ABCC2: variants seen among roughly 807,000 people sequenced by gnomAD.
The protein encoded by ABCC2 is ATP binding cassette subfamily C member 2.
In ABCC2, 157 loss-of-function variants were observed where a neutral mutation model predicts 173.4. That is an observed-to-expected ratio of 0.91 (90% confidence interval 0.80 to 1.03). ABCC2 has a LOEUF of 1.03. Ranked by LOEUF, ABCC2 falls within the 50% of genes least tolerant of loss-of-function variation. The pLI is 0.00. For missense variants in ABCC2, 1,822 were observed against 1,852.3 expected (o/e 0.98, Z 0.30); for synonymous variants, 657 against 693.5 (o/e 0.95, Z 0.83).
At chr10:99,807,664 A>C in intron 12 of ABCC2, 143 bp downstream of exon 12, 2 of 1,216,338 alleles carry the variant, frequency 1.6e-6, no homozygotes, top group East Asian at 2.5e-5. Context: ...TCACCGCCCC[A>C]TGCCACTTTT....
chr10:99,835,963 C>T, intron 24 of ABCC2, 128 bp from the exon 25 acceptor site: 1 of 921,188 alleles, frequency 1.1e-6, no homozygotes, highest in Non-Finnish European at 1.7e-6. Context: ...GCACTGCAGG[C>T]TTTTGTCTTG....
At chr10:99,825,614 G>A (rs983427815) in intron 19 of ABCC2, among the ~76,000 whole-genome samples, 16 of 152,232 alleles carry the variant, frequency 1.1e-4, no homozygotes, top group Admixed American at 7.8e-4. Context: ...CCAAGGAATT[G>A]AAGAGCTAAT....
At chr10:99,839,124 T>C in intron 25 of ABCC2, among the ~76,000 whole-genome samples, 1 of 116,290 alleles carries the variant, frequency 8.6e-6, no homozygotes, top group Non-Finnish European at 1.8e-5. Context: ...ACGGGGCGGC[T>C]GGCCGGGCGG....
In ABCC2 at chr10:99,799,211, A is replaced by T; in HGVS notation, c.872A>T (p.Asp291Val). 1 of 1,614,036 alleles carries T rather than the reference A, an allele frequency of 6.2e-7. No individual in the cohort carries two copies. Among genetic ancestry groups the T allele is most frequent in the Non-Finnish European group, 8.5e-7 (1 of 1,179,998 alleles). The stretch of plus-strand genomic sequence containing the variant: ...GTTGTTTGGTTTTGTACCTAGGAAG[A>T]TGTTGAAAAGAAAAAAAAGAAGTCT... The part of the protein sequence containing the change: ...SQSQDALVLE[D>V]VEKKKKKSGT... The change falls in exon 8 of 32, where the codon GAT becomes GTT. Residue 291 changes from aspartate (D) to valine (V), a missense_variant. By Grantham distance (152) the Asp-to-Val change is radical (BLOSUM62 -3). Transcript: ENST00000647814.
chr10:99,799,472 T>C (rs1267101963), intron 8 of ABCC2, 102 bp downstream of exon 8: 10 of 1,373,668 alleles, frequency 7.3e-6, no homozygotes, highest in Non-Finnish European at 1.0e-5. Context: ...TTCCCATTTT[T>C]TAAAAATGCT....
Position 99,851,830 on chromosome 10 carries a change from C to A in ABCC2, c.*199C>A. 2.0e-6 allele frequency: 1 copy of A among 494,890 alleles called. No individual in the cohort carries two copies. The highest frequency in any genetic ancestry group is 3.5e-6 in the Non-Finnish European group (1 of 289,728). The allele number at this position is 494,890 out of a possible 1,614,324, so 30.7% of individuals were successfully genotyped here. ...CTTGAGAAACCCCTCGATTGTCTACCTCGATCGTACTTCCTTGCTACCCAC... is the reference window on the plus strand; with the variant it reads ...CTTGAGAAACCCCTCGATTGTCTACATCGATCGTACTTCCTTGCTACCCAC... On this transcript the variant is annotated 3_prime_UTR_variant, in exon 32 of 32. Coordinates refer to ENST00000647814, the MANE Select transcript of ABCC2 (RefSeq NM_000392.5).
Position 99,808,163 on chromosome 10 carries a change from T to G in ABCC2, c.1749T>G (p.Ile583Met). Residue 583 changes from isoleucine (I) to methionine (M), a missense_variant, in exon 13 of 32, where the codon ATT (isoleucine) becomes ATG (methionine). Coordinates refer to ENST00000647814, the MANE Select transcript of ABCC2 (RefSeq NM_000392.5). ...ATGCACAAAAGGCCTTCACCTCCAT[T>G]ACCCTCTTCAATATCCTGCGCTTTC... ...ILDAQKAFTS[I>M]TLFNILRFPL... The G allele has an allele frequency of 6.2e-7, 1 of 1,614,122 alleles. No homozygotes were observed. The highest frequency in any genetic ancestry group is 1.3e-5 in the African/African-American group (1 of 75,038).
At chr10:99,814,344 T>C (rs1238436632) in intron 16 of ABCC2, among the ~76,000 whole-genome samples, 2 of 138,208 alleles carry the variant, frequency 1.4e-5, no homozygotes, top group African/African-American at 2.7e-5. Context: ...CATGTATATA[T>C]ACACACGTAT....
chr10:99,814,428 T>C lies in ABCC2; in HGVS notation c.2094+1284T>C, dbSNP rs1280951691. On this transcript the variant is annotated intron_variant, in intron 16 of 31. Transcript: ENST00000647814. Reference sequence around the variant, plus strand: ...ACACACGTGTATATATGTGTGCATATATGTGTATACACACATATGTGTGTA... The same window carrying C: ...ACACACGTGTATATATGTGTGCATACATGTGTATACACACATATGTGTGTA... 2.2e-5 allele frequency among the ~76,000 whole-genome samples: 3 copies of C among 136,546 alleles called. 1 individual carries two copies. Among genetic ancestry groups the C allele is most frequent in the Non-Finnish European group, 4.8e-5 (3 of 62,444 alleles). The allele number at this position is 136,546 out of a possible 152,430, so 89.6% of individuals were successfully genotyped here.
intron 11 of ABCC2, among the ~76,000 whole-genome samples, chr10:99,806,077 C>CTCTGTGTGTG (rs10644836): frequency 0.043 from 6,407 of 148,030 alleles, 154 homozygotes; most frequent in Middle Eastern, 0.056. Context: ...CTCTCTCTGT[C>CTCTGTGTGTG]TGTGTGTGTG....
intron 5 of ABCC2, 96 bp downstream of exon 5, chr10:99,794,095 C>A: frequency 8.3e-7 from 1 of 1,208,438 alleles, no homozygotes; most frequent in Non-Finnish European, 1.2e-6. Context: ...GGAGGCGCCA[C>A]AAGCCCAGAA....
rs559908064 is a variant in ABCC2 at position 99,792,332 on chromosome 10, C to A, written c.306C>A (p.Thr102=). The change falls in exon 3 of 32, where the codon ACC becomes ACA. Residue 102 remains threonine, a synonymous_variant. Coordinates refer to ENST00000647814, the MANE Select transcript of ABCC2 (RefSeq NM_000392.5). ...CCACAGTCCCTGCTGTTCGATATAC[C>A]AATCCAAGCCTCTACCTAGGCACAT... ...GQATVPAVRY[T]NPSLYLGTWL... is the part of the protein sequence containing the mutation. 2.5e-5 allele frequency: 40 copies of A among 1,614,096 alleles called. No individual in the cohort carries two copies. In the Admixed American group the frequency reaches 5.7e-4, roughly 23 times the overall value.
intron 17 of ABCC2, among the ~76,000 whole-genome samples, chr10:99,818,102 A>G (rs1263673734): frequency 6.6e-6 from 1 of 152,106 alleles, no homozygotes; most frequent in Non-Finnish European, 1.5e-5. Context: ...AGGCGCCTGT[A>G]GTCCCAGCTA....
At chr10:99,808,439 T>C (rs1400070663) in intron 13 of ABCC2, among the ~76,000 whole-genome samples, 1 of 152,198 alleles carries the variant, frequency 6.6e-6, no homozygotes, top group Admixed American at 6.5e-5. Context: ...AGGATAATCA[T>C]ACCAATCTCA....
At position 99,816,275 on chromosome 10, in the gene ABCC2, G is replaced by GT. The variant is rs1368928189; in HGVS notation, c.2095-1027dup. On this transcript the variant is annotated intron_variant, in intron 16 of 31. Coordinates refer to ENST00000647814, the MANE Select transcript of ABCC2 (RefSeq NM_000392.5). Reference sequence around the variant, plus strand: ...GCCACCGCGCCCGGCCTCCATCTCTGTTTTTTGTTTGTTTGTTTGTTTGTT... The same window carrying GT: ...GCCACCGCGCCCGGCCTCCATCTCTGTTTTTTTGTTTGTTTGTTTGTTTGTT... Among the ~76,000 whole-genome samples, 5 of 128,202 alleles carry GT rather than the reference G, an allele frequency of 3.9e-5. No homozygotes were observed. The South Asian group carries it at 1.2e-3, about 31-fold the overall frequency. The allele number at this position is 128,202 out of a possible 152,430, so 84.1% of individuals were successfully genotyped here.
chr10:99,842,248 G>A (rs2038959661), intron 26 of ABCC2, among the ~76,000 whole-genome samples, 155 bp downstream of exon 26: 1 of 152,156 alleles, frequency 6.6e-6, no homozygotes, highest in South Asian at 2.1e-4. Flanking sequence ...TTTTACCCAT[G>A]GACGTATTCC....
At position 99,797,114 on chromosome 10, in the gene ABCC2, A is replaced by C. The variant is rs202129492; in HGVS notation, c.650A>C (p.Tyr217Ser). Residue 217 changes from tyrosine to serine, a missense_variant, in exon 7 of 32, where the codon TAC (tyrosine) becomes TCC (serine). Physicochemically the swap from Tyr to Ser is moderately radical, Grantham distance 144. Transcript: ENST00000647814. ...SWYDSIILKG[Y>S]KRPLTLEDVW... ...TGTTCCAGCATCATTCTGAAAGGCTACAAGCGTCCTCTGACACTCGAGGAT... is the reference window on the plus strand; with the variant it reads ...TGTTCCAGCATCATTCTGAAAGGCTCCAAGCGTCCTCTGACACTCGAGGAT... 36 of 1,614,138 alleles carry C rather than the reference A, an allele frequency of 2.2e-5. 1 individual carries two copies. The Admixed American group carries it at 6.0e-4, about 27-fold the overall frequency.
intron 17 of ABCC2, 98 bp from the exon 18 acceptor site, chr10:99,818,692 C>T (rs1279930569): frequency 7.3e-7 from 1 of 1,364,072 alleles, no homozygotes; most frequent in Non-Finnish European, 1.0e-6. Flanking sequence ...CCCTTGACAC[C>T]TTATTGAGAC....
At chr10:99,794,275 T>C in intron 5 of ABCC2, 138 bp from the exon 6 acceptor site, 2 of 864,824 alleles carry the variant, frequency 2.3e-6, no homozygotes, top group Non-Finnish European at 3.8e-6. Context: ...AATAAACACA[T>C]GTTGATAAGC....
Sources: allele counts gnomAD v4.1 joint callset (sites outside exome capture counted in the v4.1 genomes callset), GRCh38; gene constraint gnomAD v4.1.1; transcripts MANE v1.5; gene names NCBI Gene and HGNC (gene_info 2026-07-23, HGNC 2026-07-21).